Variants in MYOM3 observed in about 807,000 individuals in gnomAD.
The protein encoded by MYOM3 is myomesin-3.
A neutral mutation model predicts 191.7 loss-of-function variants in MYOM3; 155 were observed. The ratio of observed to expected loss-of-function variants is 0.81; its 90% CI spans 0.71 to 0.92. The LOEUF (loss-of-function observed/expected upper bound fraction) is 0.92, where lower values mean the gene tolerates loss of function less well. MYOM3 is among the 40% of genes least tolerant of loss of function. MYOM3 has a pLI of 0.00. For missense variants in MYOM3, 1,889 were observed against 1,890.6 expected (o/e 1.00, Z 0.02); for synonymous variants, 757 against 762.9 (o/e 0.99, Z 0.13).
chr1:24,065,486 G>A (rs1164312713), intron 29 of MYOM3, among the ~76,000 whole-genome samples: 3 of 152,132 alleles, frequency 2.0e-5, no homozygotes, highest in African/African-American at 7.2e-5. Flanking sequence ...CTCCTAGACT[G>A]TTGGGGCAGG....
chr1:24,059,958 A>G (rs1250474326), intron 35 of MYOM3, among the ~76,000 whole-genome samples: 1 of 152,216 alleles, frequency 6.6e-6, no homozygotes, highest in East Asian at 1.9e-4. Context: ...GGAAGGCCCC[A>G]CAGATGGATG....
chr1:24,066,250 T>C (rs764463221), intron 28 of MYOM3: 62 of 717,032 alleles, frequency 8.6e-5, no homozygotes, highest in Non-Finnish European at 1.6e-4. Context: ...AGCCTTTTTT[T>C]TGAAGCATCC....
intron 1 of MYOM3, among the ~76,000 whole-genome samples, chr1:24,110,949 C>T (rs1408800355): frequency 1.3e-5 from 2 of 152,238 alleles, no homozygotes; most frequent in Non-Finnish European, 2.9e-5. Flanking sequence ...TGGCACCAGC[C>T]ACTGGCTCCC....
chr1:24,060,834 C>T (rs147253648), intron 35 of MYOM3, among the ~76,000 whole-genome samples: 1 of 152,276 alleles, frequency 6.6e-6, no homozygotes, highest in Non-Finnish European at 1.5e-5. Flanking sequence ...AGTCCATGTG[C>T]CTGCGAGAAC....
intron 32 of MYOM3, 72 bp from the exon 33 acceptor site, chr1:24,062,181 C>G (rs1643378586): frequency 1.2e-5 from 19 of 1,571,550 alleles, no homozygotes; most frequent in Non-Finnish European, 1.5e-5. Context: ...CCCCAAAATC[C>G]TCTCCTCTGG....
intron 20 of MYOM3, 128 bp downstream of exon 20, chr1:24,079,888 G>T: frequency 1.1e-6 from 1 of 904,798 alleles, no homozygotes; most frequent in Non-Finnish European, 1.6e-6. Flanking sequence ...TAGGTAAATC[G>T]CTCTTCCTCT....
chr1:24,089,685 G>A lies in MYOM3; in HGVS notation c.1487-20C>T. On this transcript the variant is annotated intron_variant, in intron 13 of 36. Coordinates refer to ENST00000374434, the MANE Select transcript of MYOM3 (RefSeq NM_152372.4). ...CAGTATCTGAAATCAGAGTCACCCG[G>A]GACCGAGATGGTTGGACCCTCAGAG... The A allele has an allele frequency of 6.4e-7, 1 of 1,558,976 alleles. No individual in the cohort carries two copies. The highest frequency in any genetic ancestry group is 8.7e-7 in the Non-Finnish European group (1 of 1,151,084).
intron 16 of MYOM3, chr1:24,083,338 T>A (rs956353855): frequency 6.6e-6 from 1 of 152,390 alleles, no homozygotes; most frequent in Admixed American, 6.5e-5. Flanking sequence ...CCTTGAAAAT[T>A]GGACTCCAAG....
rs184519875 is a variant in MYOM3, at chr1:24,074,200, G to A, written c.2928C>T (p.Ala976=). 12 of 1,613,932 alleles carry A rather than the reference G, an allele frequency of 7.4e-6. No individual in the cohort carries two copies. Among genetic ancestry groups the A allele is most frequent in the Middle Eastern group, 3.3e-4 (2 of 6,080 alleles). The part of the protein sequence containing the change: ...LGTYSVIVTD[A]DEDISASHTL... The stretch of plus-strand genomic sequence containing the variant: ...TGTGGCTTGCGGAGATGTCTTCATC[G>A]GCATCAGTGACTATGACTGAGTAGG... Residue 976 remains alanine, a synonymous_variant, in exon 23 of 37, where the codon GCC becomes GCT. Transcript: ENST00000374434.
At chr1:24,078,639 T>C (rs919303052) in intron 20 of MYOM3, among the ~76,000 whole-genome samples, 1 of 152,126 alleles carries the variant, frequency 6.6e-6, no homozygotes, top group Non-Finnish European at 1.5e-5. Context: ...GCTGGAGAAA[T>C]ACTTCCCCTT....
intron 30 of MYOM3, 60 bp downstream of exon 30, chr1:24,064,012 A>T: frequency 3.2e-6 from 4 of 1,232,770 alleles, no homozygotes; most frequent in Non-Finnish European, 3.5e-6. Flanking sequence ...TGCACAGATC[A>T]CATCACAGTC....
chr1:24,089,417 C>A (rs1570876319), intron 14 of MYOM3, 121 bp downstream of exon 14: 2 of 1,320,756 alleles, frequency 1.5e-6, no homozygotes, highest in East Asian at 2.7e-5. Flanking sequence ...CATGCCTGGG[C>A]CCTTCTGGCC....
intron 29 of MYOM3, 116 bp from the exon 30 acceptor site, chr1:24,064,275 T>C: frequency 1.4e-6 from 1 of 724,472 alleles, no homozygotes; most frequent in Non-Finnish European, 2.3e-6. Flanking sequence ...TGACCTCAGG[T>C]AAGACCCTTC....
chr1:24,105,855 T>C lies in MYOM3; in HGVS notation c.560+65A>G, dbSNP rs1254558296. 6 of 1,458,528 alleles carry C rather than the reference T, an allele frequency of 4.1e-6. No individual in the cohort carries two copies. The African/African-American group carries it at 4.2e-5, about 10-fold the overall frequency. 90.3% of individuals were successfully genotyped at this position (1,458,528 alleles called of 1,614,324 possible). A position where few individuals can be genotyped will look rare whatever the true frequency, so the allele number is the denominator to read the frequency against. On this transcript the variant is annotated intron_variant, in intron 5 of 36. Coordinates refer to ENST00000374434, the MANE Select transcript of MYOM3 (RefSeq NM_152372.4). ...GCAACAAGAAGTCCTGGCAGAAGTA[T>C]TGGATGTGAGGAACTCACTTGTGAC...
intron 27 of MYOM3, 102 bp from the exon 28 acceptor site, chr1:24,067,190 T>TG (rs1643447839): frequency 2.6e-6 from 3 of 1,173,340 alleles, no homozygotes; most frequent in Non-Finnish European, 3.7e-6. Context: ...CTAATGGCTA[T>TG]GGACTTCTCA....
At chr1:24,107,340 T>C (rs1643993020) in intron 3 of MYOM3, 108 bp from the exon 4 acceptor site, 3 of 1,012,128 alleles carry the variant, frequency 3.0e-6, no homozygotes, top group Non-Finnish European at 4.2e-6. Flanking sequence ...TTTAAACTTT[T>C]GGAGGACATG....
intron 15 of MYOM3, 136 bp downstream of exon 15, chr1:24,086,507 AT>A: frequency 4.7e-6 from 4 of 855,026 alleles, no homozygotes; most frequent in Non-Finnish European, 7.1e-6. Context: ...CAGGCCTGAG[AT>A]CAAATTGCTT....
rs1435800349 is a variant in MYOM3, at chr1:24,063,879, G to A, written c.3622+193C>T. ...CTCACTGTGGTATACTGTGGTGAACGAGGGCATCGGAGTCACACCGACCTG... is the reference window on the plus strand; with the variant it reads ...CTCACTGTGGTATACTGTGGTGAACAAGGGCATCGGAGTCACACCGACCTG... On this transcript the variant is annotated intron_variant, in intron 30 of 36. Coordinates refer to ENST00000374434, the MANE Select transcript of MYOM3 (RefSeq NM_152372.4). This position sits in a 1 kb window ranked among gnomAD's most constrained non-coding sequence, Gnocchi z 4.5. Among the ~76,000 whole-genome samples the A allele has an allele frequency of 6.6e-6, 1 of 152,120 alleles. No individual in the cohort carries two copies. The highest frequency in any genetic ancestry group is 1.5e-5 in the Non-Finnish European group (1 of 68,014).
chr1:24,106,981 G>T, intron 4 of MYOM3, 92 bp downstream of exon 4: 2 of 1,316,314 alleles, frequency 1.5e-6, no homozygotes, highest in Non-Finnish European at 1.0e-6. Context: ...ACTCTGCCCT[G>T]GATGTCCCGC....
Sources: allele counts gnomAD v4.1 joint callset (sites outside exome capture counted in the v4.1 genomes callset), GRCh38; gene constraint gnomAD v4.1.1; non-coding constraint Gnocchi (gnomAD v3.1); transcripts MANE v1.5; gene names NCBI Gene and HGNC (gene_info 2026-07-23, HGNC 2026-07-21).